Variants in DHX35 observed in about 807,000 individuals in gnomAD.
DHX35 encodes probable ATP-dependent RNA helicase DHX35.
In DHX35, 84 loss-of-function variants were observed where a neutral mutation model predicts 99.6. The ratio of observed to expected loss-of-function variants is 0.84; its 90% CI spans 0.71 to 1.01. DHX35 has a LOEUF of 1.01. Ranked by LOEUF, DHX35 falls within the 50% of genes least tolerant of loss-of-function variation. The pLI, the probability that DHX35 is intolerant of heterozygous loss-of-function variation, is 0.00. For missense variants in DHX35, 852 were observed against 888.5 expected (o/e 0.96, Z 0.52); for synonymous variants, 331 against 316.2 (o/e 1.05, Z -0.50).
chr20:38,998,461 T>C (rs569939280), intron 8 of DHX35, among the ~76,000 whole-genome samples: 1 of 152,294 alleles, frequency 6.6e-6, no homozygotes, highest in African/African-American at 2.4e-5. Context: ...AAGGAGCAGG[T>C]ACCAGGGAAG....
intron 13 of DHX35, among the ~76,000 whole-genome samples, chr20:39,012,069 G>T (rs1410546910): frequency 6.6e-6 from 1 of 152,138 alleles, no homozygotes; most frequent in Non-Finnish European, 1.5e-5. Flanking sequence ...CCAACATGGT[G>T]AAACCCCGTC....
chr20:38,972,652 G>A lies in DHX35; in HGVS notation c.267+1G>A, dbSNP rs200691756. On this transcript the variant is annotated splice_donor_variant, in intron 3 of 21. Transcript: ENST00000252011. LOFTEE classifies it high-confidence loss of function. ...TGGGAAGAGCACACAGATTCCTCAGGTGAGTACATATTTAATAAGTGTCTT... is the reference window on the plus strand; with the variant it reads ...TGGGAAGAGCACACAGATTCCTCAGATGAGTACATATTTAATAAGTGTCTT... 4 of 1,603,160 alleles carry A rather than the reference G, an allele frequency of 2.5e-6. No homozygotes were observed. The Admixed American group carries it at 5.0e-5, about 20-fold the overall frequency.
chr20:38,972,223 T>G (rs2086012240), intron 2 of DHX35, among the ~76,000 whole-genome samples: 1 of 152,168 alleles, frequency 6.6e-6, no homozygotes, highest in South Asian at 2.1e-4. Context: ...TTGGCCAGGC[T>G]GGTCTTGAAC....
At chr20:38,999,398 G>A (rs2086481927) in intron 8 of DHX35, among the ~76,000 whole-genome samples, 1 of 152,026 alleles carries the variant, frequency 6.6e-6, no homozygotes, top group African/African-American at 2.4e-5. Flanking sequence ...GTTCAGCTGA[G>A]CCTTCGTGCT....
chr20:38,990,729 A>G (rs923022366), intron 5 of DHX35, among the ~76,000 whole-genome samples: 1 of 152,204 alleles, frequency 6.6e-6, no homozygotes, highest in Non-Finnish European at 1.5e-5. Flanking sequence ...ATGCCATCTT[A>G]TATAATGGAC....
intron 2 of DHX35, 137 bp downstream of exon 2, chr20:38,969,351 T>A: frequency 9.4e-7 from 1 of 1,067,092 alleles, no homozygotes. Flanking sequence ...AAGGGATGAC[T>A]TTTCATACTG....
intron 21 of DHX35, among the ~76,000 whole-genome samples, chr20:39,035,337 G>A (rs2087132209): frequency 6.6e-6 from 1 of 152,236 alleles, no homozygotes; most frequent in Admixed American, 6.5e-5. Context: ...CTCCCAAAGT[G>A]TTGGGATTAC....
intron 11 of DHX35, among the ~76,000 whole-genome samples, chr20:39,004,292 C>T (rs978068914): frequency 6.6e-6 from 1 of 152,180 alleles, no homozygotes; most frequent in African/African-American, 2.4e-5. Flanking sequence ...GTCTCGATCT[C>T]CTGACCTTGT....
intron 6 of DHX35, 117 bp downstream of exon 6, chr20:38,991,632 C>G: frequency 6.0e-6 from 5 of 830,170 alleles, no homozygotes; most frequent in Non-Finnish European, 9.3e-6. Context: ...CAAAGCTTTT[C>G]TCTTGACCTT....
At chr20:38,998,933 A>G (rs1465290838) in intron 8 of DHX35, among the ~76,000 whole-genome samples, 3 of 152,032 alleles carry the variant, frequency 2.0e-5, no homozygotes, top group African/African-American at 7.3e-5. Flanking sequence ...AGTAGCTGGG[A>G]TTACAGGCGC....
rs767835437 is a variant in DHX35, at chr20:39,023,748, T to G, written c.1652T>G (p.Ile551Arg). 22 of 1,613,988 alleles carry G rather than the reference T, an allele frequency of 1.4e-5. No homozygotes were observed. Among genetic ancestry groups the G allele is most frequent in the Non-Finnish European group, 1.9e-5 (22 of 1,179,904 alleles). The change falls in exon 17 of 22, where the codon ATA (isoleucine) becomes AGA (arginine). Residue 551 changes from isoleucine (I) to arginine (R), a missense_variant. By Grantham distance (97) the Ile-to-Arg change is moderately conservative (BLOSUM62 -3). Coordinates refer to ENST00000252011, the MANE Select transcript of DHX35 (RefSeq NM_021931.4). Reference protein sequence around the residue: ...EEGDHLTMLNIYEAFIKHNKD... With the variant: ...EEGDHLTMLNRYEAFIKHNKD... ...GGCGACCACCTCACTATGCTCAATATATATGAAGCATTTATCAAAGTAAGC... is the reference window on the plus strand; with the variant it reads ...GGCGACCACCTCACTATGCTCAATAGATATGAAGCATTTATCAAAGTAAGC...
rs1032998955 is a variant in DHX35 at position 39,001,961 on chromosome 20, C to T, written c.755+119C>T. Reference sequence around the variant, plus strand: ...ATGGGGAGGAGCATGTTTTGTGTCCCTAGTCATTGGTCTAGAATGTTCTTA... The same window carrying T: ...ATGGGGAGGAGCATGTTTTGTGTCCTTAGTCATTGGTCTAGAATGTTCTTA... On this transcript the variant is annotated intron_variant, in intron 9 of 21. Coordinates refer to ENST00000252011, the MANE Select transcript of DHX35 (RefSeq NM_021931.4). 1.1e-5 allele frequency: 9 copies of T among 841,438 alleles called. No homozygotes were observed. In the East Asian group the frequency reaches 1.9e-4, roughly 18 times the overall value. 52.1% of individuals were successfully genotyped at this position (841,438 alleles called of 1,614,324 possible). A position where few individuals can be genotyped will look rare whatever the true frequency, so the allele number is the denominator to read the frequency against.
chr20:38,982,605 G>T (rs1411554752), intron 3 of DHX35, among the ~76,000 whole-genome samples: 3 of 152,064 alleles, frequency 2.0e-5, no homozygotes, highest in Non-Finnish European at 2.9e-5. Context: ...GCATTGACAC[G>T]CCCTCTTTAT....
intron 6 of DHX35, 76 bp downstream of exon 6, chr20:38,991,591 A>T: frequency 7.4e-7 from 1 of 1,343,580 alleles, no homozygotes; most frequent in Non-Finnish European, 1.0e-6. Flanking sequence ...GTGTGTTAGT[A>T]GCTGGGATTC....
intron 4 of DHX35, among the ~76,000 whole-genome samples, chr20:38,987,648 G>T (rs1013132416): frequency 6.6e-6 from 1 of 151,730 alleles, no homozygotes; most frequent in Non-Finnish European, 1.5e-5. Flanking sequence ...AGCCTTCTTG[G>T]GGGAATGCAG....
intron 12 of DHX35, among the ~76,000 whole-genome samples, chr20:39,007,115 T>C (rs2086631167): frequency 6.6e-6 from 1 of 152,230 alleles, no homozygotes; most frequent in South Asian, 2.1e-4. Context: ...GGGTTTTTTA[T>C]TTTGTTTTGT....
chr20:39,002,779 C>G lies in DHX35; in HGVS notation c.763C>G (p.Pro255Ala), dbSNP rs1458166162. 2.5e-6 allele frequency: 4 copies of G among 1,613,928 alleles called. No individual in the cohort carries two copies. Among genetic ancestry groups the G allele is most frequent in the East Asian group, 2.2e-5 (1 of 44,874 alleles). The part of the protein sequence containing the change: ...VDIFYLQSPV[P>A]DYIKSTVETV... ...TCCCATTTGTCTTTTCAGTCCTGTT[C>G]CAGATTATATCAAATCAACTGTCGA... The change falls in exon 10 of 22, where the codon CCA (proline) becomes GCA (alanine). Residue 255 changes from proline to alanine, a missense_variant. Pro to Ala is a conservative substitution (Grantham distance 27). Coordinates refer to ENST00000252011, the MANE Select transcript of DHX35 (RefSeq NM_021931.4).
At chr20:39,022,703 A>G (rs1391471281) in intron 16 of DHX35, among the ~76,000 whole-genome samples, 2 of 152,250 alleles carry the variant, frequency 1.3e-5, no homozygotes, top group South Asian at 2.1e-4. Flanking sequence ...ACCACACGAC[A>G]TCATGGTCAT....
At chr20:39,010,884 G>A (rs1164805907) in intron 13 of DHX35, among the ~76,000 whole-genome samples, 5 of 152,152 alleles carry the variant, frequency 3.3e-5, no homozygotes, top group Admixed American at 6.5e-5. Flanking sequence ...TCTAGGAGTA[G>A]AATGACTGGG....
Sources: allele counts gnomAD v4.1 joint callset (sites outside exome capture counted in the v4.1 genomes callset), GRCh38; gene constraint gnomAD v4.1.1; transcripts MANE v1.5; gene names NCBI Gene and HGNC (gene_info 2026-07-23, HGNC 2026-07-21).